The following CAAP1 variants were observed in gnomAD, a reference collection of about 807,000 sequenced individuals.
CAAP1 encodes the protein conserved anti-apoptotic protein.
A neutral mutation model predicts 34.0 loss-of-function variants in CAAP1; 20 were observed. The observed-to-expected ratio is 0.59, with a 90% CI of 0.41 to 0.86. CAAP1 has a LOEUF of 0.86. Ranked by LOEUF, CAAP1 falls within the 40% of genes least tolerant of loss-of-function variation. The probability of loss-of-function intolerance (pLI) is 0.00; values close to 1 mark genes in which losing one functional copy is unlikely to be tolerated. For synonymous variants in CAAP1, 213 were observed against 166.7 expected, an observed-to-expected ratio of 1.28 and a Z score of -2.14; for missense variants, 538 against 450.5, an observed-to-expected ratio of 1.19 and a Z score of -1.76.
chr9:26,842,557 G>A lies in CAAP1; in HGVS notation c.830C>T (p.Pro277Leu), dbSNP rs762669700. ...EGPCNEEAAAPEAPENTVQSE... is the reference protein window; with the variant it reads ...EGPCNEEAAALEAPENTVQSE... ...TTGGACTGTATTTTCTGGTGCCTCG[G>A]GAGCAGCTGCTTCTTCGTTGCATGG... Residue 277 changes from proline to leucine, a missense_variant, in exon 6 of 6, where the codon CCC (proline) becomes CTC (leucine). Pro to Leu is a moderately conservative substitution (Grantham distance 98). This residue lies in a region of CAAP1 where 514 missense variants were observed against 408.4 expected (regional missense o/e 1.26). Transcript: ENST00000333916. The A allele has an allele frequency of 1.2e-6, 2 of 1,614,134 alleles. No individual in the cohort carries two copies. Among genetic ancestry groups the A allele is most frequent in the Non-Finnish European group, 1.7e-6 (2 of 1,180,030 alleles).
chr9:26,869,621 A>G (rs189785847), intron 4 of CAAP1, among the ~76,000 whole-genome samples: 9 of 152,346 alleles, frequency 5.9e-5, no homozygotes, highest in Admixed American at 5.2e-4. Flanking sequence ...ACTCAAAACA[A>G]TCTAATCAAT....
intron 5 of CAAP1, among the ~76,000 whole-genome samples, chr9:26,843,743 G>A (rs1170520074): frequency 6.6e-6 from 1 of 151,804 alleles, no homozygotes. Flanking sequence ...TGTACAGGAA[G>A]GACATAAACA....
At chr9:26,873,805 T>C (rs907690771) in intron 4 of CAAP1, among the ~76,000 whole-genome samples, 3 of 152,238 alleles carry the variant, frequency 2.0e-5, no homozygotes, top group African/African-American at 7.2e-5. Context: ...TATAAAACTA[T>C]ACATGCTAAA....
intron 5 of CAAP1, among the ~76,000 whole-genome samples, chr9:26,848,493 G>A (rs1011068951): frequency 6.6e-6 from 1 of 152,054 alleles, no homozygotes. Flanking sequence ...TCCAGCCTGC[G>A]CGACAGAGCG....
intron 5 of CAAP1, among the ~76,000 whole-genome samples, chr9:26,845,068 T>C (rs1263447325): frequency 2.6e-5 from 4 of 152,236 alleles, no homozygotes. Context: ...TAGTGATCAC[T>C]CTCTGTGAAA....
intron 5 of CAAP1, among the ~76,000 whole-genome samples, chr9:26,849,285 T>G (rs1295246941): frequency 6.6e-6 from 1 of 152,218 alleles, no homozygotes; most frequent in Non-Finnish European, 1.5e-5. Context: ...ACTACTTTAC[T>G]CCTTTCTCAT....
intron 4 of CAAP1, chr9:26,869,998 G>C (rs1211489603): frequency 1.0e-5 from 9 of 902,646 alleles, no homozygotes; most frequent in Non-Finnish European, 1.2e-5. Flanking sequence ...AATGACAATA[G>C]ATACAGTTTA....
chr9:26,858,163 G>A (rs182076708), intron 5 of CAAP1, among the ~76,000 whole-genome samples: 1 of 152,310 alleles, frequency 6.6e-6, no homozygotes, highest in East Asian at 1.9e-4. Flanking sequence ...TTCACAAGGA[G>A]CTTATATTCT....
intron 4 of CAAP1, among the ~76,000 whole-genome samples, chr9:26,867,850 TAAAA>T (rs989982987): frequency 6.6e-6 from 1 of 152,028 alleles, no homozygotes; most frequent in Non-Finnish European, 1.5e-5. Context: ...GAATTTAAAA[TAAAA>T]AAAGAGCAAA....
chr9:26,855,808 G>C (rs1822857213), intron 5 of CAAP1, among the ~76,000 whole-genome samples: 1 of 152,078 alleles, frequency 6.6e-6, no homozygotes, highest in Non-Finnish European at 1.5e-5. Flanking sequence ...CTAATGAACT[G>C]GGTAAGAGCG....
At position 26,842,087 on chromosome 9, in the gene CAAP1, T is replaced by C. The variant is rs568960785; in HGVS notation, c.*214A>G. 1.4e-5 allele frequency: 6 copies of C among 431,440 alleles called. No homozygotes were observed. The highest frequency in any genetic ancestry group is 7.9e-5 in the Admixed American group (2 of 25,272). 26.7% of individuals were successfully genotyped at this position (431,440 alleles called of 1,614,324 possible). A position where few individuals can be genotyped will look rare whatever the true frequency, so the allele number is the denominator to read the frequency against. On this transcript the variant is annotated 3_prime_UTR_variant, in exon 6 of 6. Coordinates refer to ENST00000333916, the MANE Select transcript of CAAP1 (RefSeq NM_024828.4). ...AAAGTATCCAGGCTATCCAACTATA[T>C]TGCCATGAATTCATAAGACAGTAAC...
At chr9:26,855,392 T>C (rs1371984732) in intron 5 of CAAP1, among the ~76,000 whole-genome samples, 1 of 152,326 alleles carries the variant, frequency 6.6e-6, no homozygotes, top group East Asian at 1.9e-4. Flanking sequence ...ATATTCTATA[T>C]ATTGTAATAG....
chr9:26,858,961 C>A (rs922738162), intron 5 of CAAP1, among the ~76,000 whole-genome samples: 1 of 142,906 alleles, frequency 7.0e-6, no homozygotes, highest in African/African-American at 2.7e-5. Context: ...TTGCGCCATG[C>A]ACTCCAGCCT....
At chr9:26,863,433 T>A (rs1823052011) in intron 4 of CAAP1, among the ~76,000 whole-genome samples, 1 of 152,142 alleles carries the variant, frequency 6.6e-6, no homozygotes, top group African/African-American at 2.4e-5. Context: ...AATATAAAGT[T>A]CTCTAATACA....
chr9:26,857,217 G>A (rs188010699), intron 5 of CAAP1, among the ~76,000 whole-genome samples: 23 of 152,328 alleles, frequency 1.5e-4, no homozygotes, highest in Admixed American at 5.2e-4. Flanking sequence ...GTACATGTGA[G>A]CTTGCACAGG....
intron 4 of CAAP1, among the ~76,000 whole-genome samples, chr9:26,874,293 T>A (rs1823367103): frequency 6.6e-6 from 1 of 150,742 alleles, no homozygotes; most frequent in African/African-American, 2.4e-5. Context: ...ATATTTCAAA[T>A]ACAAGCATAC....
chr9:26,853,118 C>T (rs1563879998), intron 5 of CAAP1, among the ~76,000 whole-genome samples: 1 of 152,058 alleles, frequency 6.6e-6, no homozygotes, highest in Non-Finnish European at 1.5e-5. Context: ...GTGACATGAC[C>T]ATTCATACAG....
chr9:26,870,618 A>G (rs1381234431), intron 4 of CAAP1, among the ~76,000 whole-genome samples: 3 of 148,432 alleles, frequency 2.0e-5, no homozygotes, highest in African/African-American at 5.0e-5. Context: ...GTGTATACAT[A>G]TATTTTTTTT....
rs758588539 is a variant in CAAP1 at position 26,849,841 on chromosome 9, AT to A, written c.740-7195del. Among the ~76,000 whole-genome samples, 1,005 of 143,558 alleles carry A rather than the reference AT, an allele frequency of 7.0e-3. 5 individuals are homozygous for A. Among genetic ancestry groups the A allele is most frequent in the African/African-American group, 0.017 (655 of 39,402 alleles). The allele number at this position is 143,558 out of a possible 152,430, so 94.2% of individuals were successfully genotyped here. A position where few individuals can be genotyped will look rare whatever the true frequency, so the allele number is the denominator to read the frequency against. ...TATGATTACTTCTAATAGTAAAACA[AT>A]TTTTTTTTTTTTTTGAGATGGAGTC... On this transcript the variant is annotated intron_variant, in intron 5 of 5. Coordinates refer to ENST00000333916, the MANE Select transcript of CAAP1 (RefSeq NM_024828.4).
Sources: allele counts gnomAD v4.1 joint callset (sites outside exome capture counted in the v4.1 genomes callset), GRCh38; gene constraint gnomAD v4.1.1; regional missense constraint gnomAD v4.1.1; transcripts MANE v1.5; gene names NCBI Gene and HGNC (gene_info 2026-07-23, HGNC 2026-07-21).